GPR158: variants seen among roughly 807,000 people sequenced by gnomAD.
The protein encoded by GPR158 is metabotropic glycine receptor.
Under a neutral mutation model 78.2 loss-of-function variants are expected in GPR158, and 30 were observed. The observed-to-expected ratio is 0.38, with a 90% CI of 0.29 to 0.52. The LOEUF is 0.52. Ranked by LOEUF, GPR158 falls within the 20% of genes least tolerant of loss-of-function variation. The pLI, the probability that GPR158 is intolerant of heterozygous loss-of-function variation, is 0.83. For synonymous variants in GPR158, 581 were observed against 591.1 expected (o/e 0.98, Z 0.25); for missense variants, 1,463 against 1,523.5 (o/e 0.96, Z 0.66).
chr10:25,179,424 A>G (rs893934257), intron 1 of GPR158, among the ~76,000 whole-genome samples: 1 of 152,190 alleles, frequency 6.6e-6, no homozygotes, highest in South Asian at 2.1e-4. Context: ...ATATTTTCCC[A>G]GGTCTTACTT....
intron 2 of GPR158, among the ~76,000 whole-genome samples, chr10:25,273,959 T>G (rs1310685923): frequency 6.6e-6 from 1 of 152,172 alleles, no homozygotes; most frequent in African/African-American, 2.4e-5. Context: ...ATTACAGGCA[T>G]GAGCCACCGT....
At chr10:25,458,476 A>G (rs1312140184) in intron 4 of GPR158, among the ~76,000 whole-genome samples, 1 of 152,210 alleles carries the variant, frequency 6.6e-6, no homozygotes, top group Non-Finnish European at 1.5e-5. Flanking sequence ...GGGAACCAGC[A>G]GCTATGGAAG....
chr10:25,505,468 C>G (rs1404844725), intron 5 of GPR158, among the ~76,000 whole-genome samples: 4 of 152,220 alleles, frequency 2.6e-5, no homozygotes, highest in Non-Finnish European at 5.9e-5. Context: ...CCTATGGTTT[C>G]TCTCATCTCT....
At chr10:25,268,700 G>A (rs544429394) in intron 2 of GPR158, among the ~76,000 whole-genome samples, 2 of 152,282 alleles carry the variant, frequency 1.3e-5, no homozygotes, top group South Asian at 4.1e-4. Flanking sequence ...TAGTCCACAT[G>A]GAAGTGGAGT....
rs1244621154 is a variant in GPR158, at chr10:25,599,946, T to C, written c.*672T>C. The C allele has an allele frequency of 6.5e-6, 1 of 152,672 alleles. No homozygotes were observed. The highest frequency in any genetic ancestry group is 2.4e-5 in the African/African-American group (1 of 41,456). The allele number at this position is 152,672 out of a possible 1,614,324, so 9.5% of individuals were successfully genotyped here. A position where few individuals can be genotyped will look rare whatever the true frequency, so the allele number is the denominator to read the frequency against. On this transcript the variant is annotated 3_prime_UTR_variant, in exon 11 of 11. Transcript: ENST00000376351. The stretch of plus-strand genomic sequence containing the variant: ...ATACCTGCTATCTATCAACTTTAGT[T>C]GATTCTTGAAGTACAGTAAGCTTTC...
intron 2 of GPR158, among the ~76,000 whole-genome samples, chr10:25,361,797 C>T (rs139215436): frequency 0.011 from 1,673 of 151,952 alleles, 16 homozygotes; most frequent in Middle Eastern, 0.031. Flanking sequence ...TTATTTGATA[C>T]TTCGTTGTTG....
intron 1 of GPR158, among the ~76,000 whole-genome samples, chr10:25,212,834 A>G (rs2807240): frequency 0.15 from 22,424 of 151,724 alleles, 2,114 homozygotes; most frequent in East Asian, 0.3. Context: ...GTTTCACCAT[A>G]TTAGCCAGGC....
chr10:25,387,028 A>G (rs1268246221), intron 2 of GPR158, among the ~76,000 whole-genome samples: 1 of 152,080 alleles, frequency 6.6e-6, no homozygotes, highest in African/African-American at 2.4e-5. Flanking sequence ...GAAAGTGGAG[A>G]GAGAAGGCTT....
At chr10:25,511,548 C>T (rs114526683) in intron 5 of GPR158, among the ~76,000 whole-genome samples, 174 of 152,056 alleles carry the variant, frequency 1.1e-3, no homozygotes, top group African/African-American at 3.9e-3. Context: ...TAGTTTAAGT[C>T]CCCTCTATTT....
At chr10:25,431,862 G>C (rs1834912824) in intron 4 of GPR158, among the ~76,000 whole-genome samples, 2 of 152,152 alleles carry the variant, frequency 1.3e-5, no homozygotes. Flanking sequence ...ACTGTTGTGG[G>C]GTTGGGGGAG....
At chr10:25,192,281 C>T (rs908755371) in intron 1 of GPR158, among the ~76,000 whole-genome samples, 4 of 152,154 alleles carry the variant, frequency 2.6e-5, no homozygotes, top group African/African-American at 9.7e-5. Flanking sequence ...CCTTCCGCCA[C>T]GGTTTTAAGT....
At chr10:25,272,744 A>T (rs1854133382) in intron 2 of GPR158, among the ~76,000 whole-genome samples, 1 of 152,192 alleles carries the variant, frequency 6.6e-6, no homozygotes, top group Non-Finnish European at 1.5e-5. Flanking sequence ...TTGGGTGGGG[A>T]GGGGAAGCCT....
rs550687410 is a variant in GPR158 at position 25,175,499 on chromosome 10, G to A, written c.79G>A (p.Asp27Asn). The A allele has an allele frequency of 3.1e-6, 5 of 1,611,782 alleles. No homozygotes were observed. Among genetic ancestry groups the A allele is most frequent in the African/African-American group, 2.7e-5 (2 of 74,986 alleles). The change falls in exon 1 of 11, where the codon GAC becomes AAC. Residue 27 changes from aspartate to asparagine, a missense_variant. Asp to Asn is a conservative substitution (Grantham distance 23). Transcript: ENST00000376351. This position sits in a 1 kb window ranked among gnomAD's most constrained non-coding sequence, Gnocchi z 6.4. ...ATTGGGAGCTGTTGGCGCCAGCCGCGACCCCCAAGGACGGCCGGATTCCCC... is the reference window on the plus strand; with the variant it reads ...ATTGGGAGCTGTTGGCGCCAGCCGCAACCCCCAAGGACGGCCGGATTCCCC... ...LGLGAVGASR[D>N]PQGRPDSPRE... is the part of the protein sequence containing the mutation.
At chr10:25,330,563 G>T (rs1375835112) in intron 2 of GPR158, among the ~76,000 whole-genome samples, 2 of 152,160 alleles carry the variant, frequency 1.3e-5, no homozygotes, top group African/African-American at 4.8e-5. Flanking sequence ...ACTCTGATTT[G>T]ATTATGTTTA....
chr10:25,439,590 T>A (rs1835041413), intron 4 of GPR158, among the ~76,000 whole-genome samples: 2 of 152,208 alleles, frequency 1.3e-5, no homozygotes, highest in African/African-American at 4.8e-5. Flanking sequence ...GTATGTCCTC[T>A]ATGCATTTTG....
At chr10:25,462,034 C>T (rs964948122) in intron 4 of GPR158, among the ~76,000 whole-genome samples, 3 of 152,164 alleles carry the variant, frequency 2.0e-5, no homozygotes, top group Non-Finnish European at 2.9e-5. Flanking sequence ...GCCACCACGC[C>T]AGGCCAGGAC....
At chr10:25,370,068 A>G (rs1191069772) in intron 2 of GPR158, among the ~76,000 whole-genome samples, 2 of 147,502 alleles carry the variant, frequency 1.4e-5, no homozygotes, top group Non-Finnish European at 3.0e-5. Context: ...TTTTTTCTTT[A>G]TTAGTCTTGC....
At chr10:25,420,167 T>C (rs1834729557) in intron 4 of GPR158, among the ~76,000 whole-genome samples, 1 of 152,144 alleles carries the variant, frequency 6.6e-6, no homozygotes, top group African/African-American at 2.4e-5. Context: ...TTTATTTACT[T>C]GAGACTAGGT....
At chr10:25,222,640 G>A (rs1853314482) in intron 2 of GPR158, among the ~76,000 whole-genome samples, 1 of 152,114 alleles carries the variant, frequency 6.6e-6, no homozygotes, top group African/African-American at 2.4e-5. Flanking sequence ...GCTTGGCTTG[G>A]TGAATATCTT....
Sources: gnomAD v4.1 joint callset for allele counts (sites outside exome capture counted in the v4.1 genomes callset) on GRCh38, gnomAD v4.1.1 for gene constraint, Gnocchi (gnomAD v3.1) non-coding constraint, MANE v1.5 for transcripts, NCBI Gene and HGNC (gene_info 2026-07-23, HGNC 2026-07-21) for gene names.